Variants in CHSY3 observed in about 807,000 individuals in gnomAD.
CHSY3 encodes the protein chondroitin sulfate synthase 3.
A neutral mutation model predicts 67.2 loss-of-function variants in CHSY3; 35 were observed. The observed-to-expected ratio is 0.52, with a 90% confidence interval of 0.40 to 0.69. The LOEUF (loss-of-function observed/expected upper bound fraction) is 0.69. Among genes scored for constraint, CHSY3 ranks in the 30% least tolerant of loss-of-function variants. CHSY3 has a pLI of 0.00. For synonymous variants in CHSY3, 474 were observed against 434.7 expected, an observed-to-expected ratio of 1.09 and a Z score of -1.12; for missense variants, 1,069 against 1,138.5, an observed-to-expected ratio of 0.94 and a Z score of 0.88.
At chr5:130,149,849 G>A (rs537954525) in intron 2 of CHSY3, among the ~76,000 whole-genome samples, 43 of 152,236 alleles carry the variant, frequency 2.8e-4, no homozygotes, top group Admixed American at 1.6e-3. Flanking sequence ...TAAAATTACA[G>A]TAATTTTTAA....
At chr5:129,986,223 T>C (rs576020493) in intron 2 of CHSY3, among the ~76,000 whole-genome samples, 2 of 152,050 alleles carry the variant, frequency 1.3e-5, no homozygotes, top group Non-Finnish European at 2.9e-5. Flanking sequence ...TTATTGAGGG[T>C]TTTTTAACAT....
intron 2 of CHSY3, among the ~76,000 whole-genome samples, chr5:129,987,470 C>T (rs531496673): frequency 5.3e-5 from 8 of 152,250 alleles, no homozygotes; most frequent in Non-Finnish European, 7.4e-5. Flanking sequence ...TTTCTTAATT[C>T]GTGATATCAA....
At chr5:129,991,964 C>T (rs994417292) in intron 2 of CHSY3, among the ~76,000 whole-genome samples, 2 of 152,174 alleles carry the variant, frequency 1.3e-5, no homozygotes, top group Admixed American at 6.5e-5. Flanking sequence ...TGGATAGGCT[C>T]ATCCTATAAT....
At chr5:130,126,141 G>A (rs1329194156) in intron 2 of CHSY3, among the ~76,000 whole-genome samples, 4 of 152,062 alleles carry the variant, frequency 2.6e-5, no homozygotes, top group South Asian at 2.1e-4. Context: ...TGTCTGCCCC[G>A]GGAGAGTTTT....
intron 2 of CHSY3, among the ~76,000 whole-genome samples, chr5:129,930,669 A>G (rs1761278021): frequency 6.6e-6 from 1 of 152,148 alleles, no homozygotes; most frequent in East Asian, 1.9e-4. Flanking sequence ...CACAGAACCA[A>G]AAGAGGAAAC....
At chr5:129,905,842 C>T in intron 1 of CHSY3, 5 of 1,091,860 alleles carry the variant, frequency 4.6e-6, no homozygotes, top group Non-Finnish European at 6.2e-6. Context: ...CTCCTCACAC[C>T]TGCCTGGCTT....
At chr5:130,153,237 A>G (rs1375921376) in intron 2 of CHSY3, among the ~76,000 whole-genome samples, 2 of 151,848 alleles carry the variant, frequency 1.3e-5, no homozygotes, top group Non-Finnish European at 2.9e-5. Context: ...ACACAGCAAG[A>G]CTCTAAAATA....
intron 2 of CHSY3, chr5:130,002,058 T>A: frequency 1.1e-6 from 1 of 904,556 alleles, no homozygotes. Context: ...ACTTTAGCAG[T>A]AGAAGATGAA....
chr5:129,926,855 C>A (rs1379549942), intron 2 of CHSY3, among the ~76,000 whole-genome samples: 1 of 151,732 alleles, frequency 6.6e-6, no homozygotes, highest in East Asian at 1.9e-4. Flanking sequence ...TTTATATATT[C>A]AATTCACTAA....
chr5:129,915,965 C>T (rs528293106), intron 2 of CHSY3, among the ~76,000 whole-genome samples: 2 of 152,176 alleles, frequency 1.3e-5, no homozygotes, highest in South Asian at 2.1e-4. Context: ...AATAGAGTAG[C>T]GTGGTTTAAT....
At chr5:129,944,462 G>A (rs1394529231) in intron 2 of CHSY3, among the ~76,000 whole-genome samples, 2 of 151,908 alleles carry the variant, frequency 1.3e-5, no homozygotes, top group African/African-American at 4.8e-5. Flanking sequence ...AGCCTCCTGA[G>A]TAGCTCGGAT....
chr5:129,965,044 G>C (rs761814884), intron 2 of CHSY3, among the ~76,000 whole-genome samples: 1 of 151,932 alleles, frequency 6.6e-6, no homozygotes, highest in Non-Finnish European at 1.5e-5. Flanking sequence ...ACATTTTCAA[G>C]TGCCTCATGA....
chr5:129,960,782 A>G (rs950797362), intron 2 of CHSY3, among the ~76,000 whole-genome samples: 1 of 152,058 alleles, frequency 6.6e-6, no homozygotes, highest in African/African-American at 2.4e-5. Context: ...TTTCCTGCAA[A>G]ATTAACAGAT....
chr5:129,933,923 T>A (rs1761405466), intron 2 of CHSY3, among the ~76,000 whole-genome samples: 1 of 152,194 alleles, frequency 6.6e-6, no homozygotes, highest in African/African-American at 2.4e-5. Context: ...TTTTTCTTGA[T>A]GTTCATGTGA....
At chr5:130,047,789 C>A (rs1765198670) in intron 2 of CHSY3, among the ~76,000 whole-genome samples, 1 of 151,922 alleles carries the variant, frequency 6.6e-6, no homozygotes. Flanking sequence ...GTAATCAAAT[C>A]AAATACTATC....
intron 2 of CHSY3, among the ~76,000 whole-genome samples, chr5:130,026,072 A>G (rs1580662208): frequency 1.3e-5 from 2 of 152,060 alleles, no homozygotes; most frequent in East Asian, 3.9e-4. Flanking sequence ...ATGTGAAGGA[A>G]ATTTCATAGG....
chr5:129,981,974 A>G (rs1157776808), intron 2 of CHSY3, among the ~76,000 whole-genome samples: 3 of 152,066 alleles, frequency 2.0e-5, no homozygotes, highest in African/African-American at 7.2e-5. Flanking sequence ...TTCTTCTTTA[A>G]CCTGTTGATG....
At chr5:129,948,747 T>G (rs554035491) in intron 2 of CHSY3, among the ~76,000 whole-genome samples, 7 of 152,214 alleles carry the variant, frequency 4.6e-5, no homozygotes, top group Non-Finnish European at 7.3e-5. Flanking sequence ...TTTTAGTTCT[T>G]TAAGGAATCT....
At chr5:130,148,064 T>G (rs1182630353) in intron 2 of CHSY3, among the ~76,000 whole-genome samples, 2 of 152,096 alleles carry the variant, frequency 1.3e-5, no homozygotes, top group African/African-American at 4.8e-5. Context: ...TTCTCATCAC[T>G]GTTCCCCGTG....
Sources: allele counts gnomAD v4.1 joint callset (sites outside exome capture counted in the v4.1 genomes callset), GRCh38; gene constraint gnomAD v4.1.1; transcripts MANE v1.5; gene names NCBI Gene and HGNC (gene_info 2026-07-23, HGNC 2026-07-21).